Variants in PTRH1 observed in about 807,000 individuals in gnomAD.
PTRH1 encodes peptidyl-tRNA hydrolase.
In PTRH1, 13 loss-of-function variants were observed where a neutral mutation model predicts 15.7. The ratio of observed to expected loss-of-function variants is 0.83; its 90% CI spans 0.54 to 1.31. The LOEUF (loss-of-function observed/expected upper bound fraction) is 1.31, where lower values mean the gene tolerates loss of function less well. Among genes scored for constraint, PTRH1 ranks in the 40% most tolerant of loss-of-function variants. The pLI is 0.00. For synonymous variants in PTRH1, 139 were observed against 136.7 expected (o/e 1.02, Z -0.12); for missense variants, 319 against 296.2 (o/e 1.08, Z -0.56).
downstream of PTRH1, chr9:127,711,537 G>A (rs1028320722): frequency 8.8e-6 from 14 of 1,592,522 alleles, no homozygotes; most frequent in Admixed American, 1.2e-4. Flanking sequence ...TGGCATGCAA[G>A]GCAGGAGGCC....
intron 1 of PTRH1, among the ~76,000 whole-genome samples, chr9:127,704,771 A>C (rs1002763138): frequency 2.0e-5 from 3 of 151,802 alleles, no homozygotes; most frequent in Non-Finnish European, 4.4e-5. Context: ...CCTGTACCTA[A>C]CTCAGACCAG....
chr9:127,702,878 AT>A (rs768006652), intron 1 of PTRH1, among the ~76,000 whole-genome samples: 372 of 140,188 alleles, frequency 2.7e-3, no homozygotes, highest in South Asian at 3.9e-3. Context: ...CGCCTGGCTA[AT>A]TTTTTTTTTT....
rs1191580109 is a variant in PTRH1 at position 127,705,417 on chromosome 9, C to T, written c.205+10018G>A. 6.6e-6 allele frequency among the ~76,000 whole-genome samples: 1 copy of T among 152,212 alleles called. No individual in the cohort carries two copies. The highest frequency in any genetic ancestry group is 2.4e-5 in the African/African-American group (1 of 41,444). The stretch of plus-strand genomic sequence containing the variant: ...TGCTCTCCCTCCACCCTGCAGCGTC[C>T]CCTCCCTGCCTAGAAGTTCAGCTCG... On this transcript the variant is annotated intron_variant, in intron 1 of 2. Transcript: ENST00000335223. The surrounding 1 kb of genome is among the most constrained non-coding windows in gnomAD (Gnocchi z 4.7).
At position 127,715,052 on chromosome 9, in the gene PTRH1, G is replaced by A; in HGVS notation, c.239C>T (p.Pro80Leu). The A allele has an allele frequency of 1.3e-6, 2 of 1,524,534 alleles. No homozygotes were observed. Among genetic ancestry groups the A allele is most frequent in the Non-Finnish European group, 1.8e-6 (2 of 1,142,030 alleles). 94.4% of individuals were successfully genotyped at this position (1,524,534 alleles called of 1,614,324 possible). ...CAGGACCAGTTGGGCATCCCCCAGC[G>A]GGGCCAGGGCGAGGTCGGCGGCACA... ...RHCAADLALA[P>L]LGDAQLVLLR... The change falls in exon 2 of 5, where the codon CCG becomes CTG. Residue 80 changes from proline (P) to leucine (L), a missense_variant. Transcript: ENST00000543175. This position sits in a 1 kb window ranked among gnomAD's most constrained non-coding sequence, Gnocchi z 5.8.
chr9:127,698,637 A>T lies in PTRH1; in HGVS notation c.206-3496T>A, dbSNP rs1842580100. On this transcript the variant is annotated intron_variant, in intron 1 of 2. Coordinates refer to the PTRH1 transcript ENST00000335223. ...GGCTGCAGCGAGCCATGATTGCACC[A>T]CAGCACTCCAGCCTGGGCAACAGAG... 6.6e-5 allele frequency among the ~76,000 whole-genome samples: 10 copies of T among 152,278 alleles called. No individual in the cohort carries two copies. The South Asian group carries it at 2.1e-3, about 32-fold the overall frequency.
At chr9:127,712,624 A>G (rs1842792660), downstream of PTRH1, 1 of 1,608,924 alleles carries the variant, frequency 6.2e-7, no homozygotes, top group African/African-American at 1.3e-5. Flanking sequence ...ACTTCGTGGA[A>G]ATGGGCACTG....
downstream of PTRH1, chr9:127,711,861 G>A: frequency 6.3e-7 from 1 of 1,582,654 alleles, no homozygotes; most frequent in Non-Finnish European, 8.6e-7. Flanking sequence ...AGCAGCAGCA[G>A]GACACCAAGG....
At chr9:127,707,298 T>C (rs575781726) in intron 1 of PTRH1, 111 of 1,221,810 alleles carry the variant, frequency 9.1e-5, no homozygotes, top group Non-Finnish European at 1.2e-4. Context: ...TGTTCTGACC[T>C]CCCCTGGGAT....
At chr9:127,700,352 T>TC (rs530919132) in intron 1 of PTRH1, among the ~76,000 whole-genome samples, 320 of 152,252 alleles carry the variant, frequency 2.1e-3, no homozygotes, top group Non-Finnish European at 3.3e-3. Context: ...GCCTAGCGCC[T>TC]CCATGATGGG....
In PTRH1 at chr9:127,713,860, G is replaced by C; in HGVS notation, c.*240C>G. 6.2e-7 allele frequency: 1 copy of C among 1,613,960 alleles called. No homozygotes were observed. The highest frequency in any genetic ancestry group is 8.5e-7 in the Non-Finnish European group (1 of 1,180,024). On this transcript the variant is annotated 3_prime_UTR_variant, in exon 5 of 5. Coordinates refer to ENST00000543175, the MANE Select transcript of PTRH1 (RefSeq NM_001002913.3). ...TGCGTGCCCCTGGTTCTCTAAAAAG[G>C]CTTGAAAAGTTTAGTCTTCCTGAAG... is the stretch of plus-strand genomic sequence containing the variant.
chr9:127,711,977 C>T (rs891341638), downstream of PTRH1: 23 of 1,590,354 alleles, frequency 1.4e-5, no homozygotes, highest in African/African-American at 2.0e-4. Flanking sequence ...GAGGGGCGGG[C>T]GGCGGGTGCA....
In PTRH1 at chr9:127,705,197, C is replaced by G. The variant is rs1178635381; in HGVS notation, c.206-10056G>C. On this transcript the variant is annotated intron_variant, in intron 1 of 2. Coordinates refer to the PTRH1 transcript ENST00000335223. The surrounding 1 kb of genome is among the most constrained non-coding windows in gnomAD (Gnocchi z 4.7). ...CTGCATGGCTTTGTGCACTGCCTGA[C>G]TCCCCTCAGAAGACCCAGCTCCTGC... Among the ~76,000 whole-genome samples, 1 of 152,190 alleles carries G rather than the reference C, an allele frequency of 6.6e-6. No individual in the cohort carries two copies. The highest frequency in any genetic ancestry group is 1.5e-5 in the Non-Finnish European group (1 of 68,036).
chr9:127,696,256 A>G (rs1266913778), intron 1 of PTRH1, among the ~76,000 whole-genome samples: 1 of 152,210 alleles, frequency 6.6e-6, no homozygotes, highest in Non-Finnish European at 1.5e-5. Context: ...GGATCACCTG[A>G]GCCCAGGAGT....
downstream of PTRH1, chr9:127,712,669 G>A: frequency 2.5e-6 from 4 of 1,613,922 alleles, no homozygotes; most frequent in Non-Finnish European, 3.4e-6. Context: ...TGGGTACTGG[G>A]GCCACTGTGG....
At chr9:127,702,878 A>ATT (rs768006652) in intron 1 of PTRH1, among the ~76,000 whole-genome samples, 1,850 of 140,488 alleles carry the variant, frequency 0.013, 35 homozygotes, top group African/African-American at 0.044. Context: ...CGCCTGGCTA[A>ATT]TTTTTTTTTT....
chr9:127,701,651 G>A (rs564098348), intron 1 of PTRH1, among the ~76,000 whole-genome samples: 20 of 152,190 alleles, frequency 1.3e-4, no homozygotes, highest in East Asian at 5.8e-4. Context: ...GGTGGCTCAC[G>A]CCTGTAATCC....
At chr9:127,710,299 AC>A (rs1322221212), downstream of PTRH1, among the ~76,000 whole-genome samples, 190 of 151,746 alleles carry the variant, frequency 1.3e-3, no homozygotes, top group African/African-American at 4.3e-3. Flanking sequence ...AAAAAAAAAA[AC>A]AAAACAGTTG....
downstream of PTRH1, among the ~76,000 whole-genome samples, chr9:127,708,980 G>T (rs1341916309): frequency 1.3e-5 from 2 of 152,248 alleles, no homozygotes; most frequent in Non-Finnish European, 2.9e-5. Flanking sequence ...ACTGATTCAG[G>T]TTCAAGTCCT....
intron 1 of PTRH1, among the ~76,000 whole-genome samples, chr9:127,699,211 G>C (rs60134574): frequency 1.0e-3 from 155 of 152,284 alleles, no homozygotes; most frequent in African/African-American, 3.7e-3. Context: ...GTGTTTCACA[G>C]AAGCCAAAAT....
Sources: allele counts gnomAD v4.1 joint callset (sites outside exome capture counted in the v4.1 genomes callset), GRCh38; gene constraint gnomAD v4.1.1; non-coding constraint Gnocchi (gnomAD v3.1); transcripts MANE v1.5; gene names NCBI Gene and HGNC (gene_info 2026-07-23, HGNC 2026-07-21).